The following ACTL6A variants were observed in gnomAD, a reference collection of about 807,000 sequenced individuals.
The protein encoded by ACTL6A is actin like 6A.
ACTL6A carries 5 observed loss-of-function variants against 59.2 expected under a neutral mutation model. The ratio of observed to expected loss-of-function variants is 0.08; its 90% CI spans 0.04 to 0.18. The LOEUF is 0.18. ACTL6A is among the 10% of genes least tolerant of loss of function. ACTL6A has a pLI of 1.00. For missense variants in ACTL6A, 285 were observed against 526.9 expected, an observed-to-expected ratio of 0.54 and a Z score of 4.49; for synonymous variants, 154 against 171.8, an observed-to-expected ratio of 0.90 and a Z score of 0.81.
At chr3:179,574,196 ATAT>A (rs1283206488) in intron 4 of ACTL6A, among the ~76,000 whole-genome samples, 171 bp from the exon 5 acceptor site, 8 of 152,254 alleles carry the variant, frequency 5.3e-5, no homozygotes, top group East Asian at 1.9e-4. Flanking sequence ...AAAGAAATAA[ATAT>A]TATAGAGGTT....
chr3:179,574,242 T>C, intron 4 of ACTL6A, 128 bp from the exon 5 acceptor site: 2 of 480,464 alleles, frequency 4.2e-6, no homozygotes, highest in Non-Finnish European at 7.4e-6. Context: ...TGAAAGATGA[T>C]TTCCCATGGT....
At chr3:179,569,798 A>G in intron 1 of ACTL6A, 26 bp from the exon 2 acceptor site, 1 of 1,604,444 alleles carries the variant, frequency 6.2e-7, no homozygotes, top group Non-Finnish European at 8.5e-7. Context: ...CAAGCTGTTA[A>G]TGCTAATTAT....
Position 179,586,566 on chromosome 3 carries a change from T to G in ACTL6A, c.1143T>G (p.Ile381Met). ...KTPPSMRLKL[I>M]ANNTTVERRF... is the part of the protein sequence containing the mutation. The stretch of plus-strand genomic sequence containing the variant: ...TTCAGAGTATGCGGTTGAAATTGAT[T>G]GCAAATAATACAACAGTGGAACGGA... Residue 381 changes from isoleucine (I) to methionine (M), a missense_variant, in exon 13 of 14, where the codon ATT (isoleucine) becomes ATG (methionine). Physicochemically the swap from Ile to Met is conservative, Grantham distance 10. Coordinates refer to ENST00000429709, the MANE Select transcript of ACTL6A (RefSeq NM_004301.5). 1.3e-6 allele frequency: 2 copies of G among 1,593,278 alleles called. No individual in the cohort carries two copies. The highest frequency in any genetic ancestry group is 1.7e-6 in the Non-Finnish European group (2 of 1,173,856).
rs771222374 is a variant in ACTL6A, at chr3:179,563,049, T to A, written c.-44T>A. 66 of 1,607,124 alleles carry A rather than the reference T, an allele frequency of 4.1e-5. No individual in the cohort carries two copies. In the Middle Eastern group the frequency reaches 4.9e-4, roughly 12 times the overall value. On this transcript the variant is annotated 5_prime_UTR_variant, in exon 1 of 14. Coordinates refer to ENST00000429709, the MANE Select transcript of ACTL6A (RefSeq NM_004301.5). ...TCGCAGTCGCGGCCACTGCAGTCAC[T>A]TCGCCAGTTAGCCCTTAGGGTAGGA...
chr3:179,580,991 G>T lies in ACTL6A; in HGVS notation c.928G>T (p.Asp310Tyr). Residue 310 changes from aspartate (D) to tyrosine (Y), a missense_variant, in exon 10 of 14, where the codon GAC becomes TAC. By Grantham distance (160) the Asp-to-Tyr change is radical (BLOSUM62 -3). Coordinates refer to ENST00000429709, the MANE Select transcript of ACTL6A (RefSeq NM_004301.5). ...ERLKIPEGLFDPSNVKGLSGN... is the reference protein window; with the variant it reads ...ERLKIPEGLFYPSNVKGLSGN... ...GCTAAAGATTCCAGAAGGATTATTTGACCCTTCCAATGTAAAGGTATAAAA... is the reference window on the plus strand; with the variant it reads ...GCTAAAGATTCCAGAAGGATTATTTTACCCTTCCAATGTAAAGGTATAAAA... 6.3e-7 allele frequency: 1 copy of T among 1,588,494 alleles called. No individual in the cohort carries two copies. Among genetic ancestry groups the T allele is most frequent in the South Asian group, 1.2e-5 (1 of 85,684 alleles).
At chr3:179,572,982 C>CTTTTTTTTTT (rs71628083) in intron 3 of ACTL6A, among the ~76,000 whole-genome samples, 1 of 138,832 alleles carries the variant, frequency 7.2e-6, no homozygotes, top group Non-Finnish European at 1.5e-5. Context: ...ACAATTCTTT[C>CTTTTTTTTTT]TTTTTTTTTT....
At chr3:179,579,149 C>T (rs987154646) in intron 8 of ACTL6A, among the ~76,000 whole-genome samples, 4 of 152,058 alleles carry the variant, frequency 2.6e-5, no homozygotes, top group Non-Finnish European at 5.9e-5. Context: ...TGATATTGAG[C>T]TTTTTTTCAT....
intron 12 of ACTL6A, chr3:179,584,249 T>C (rs768247455): frequency 3.3e-5 from 5 of 152,236 alleles, no homozygotes; most frequent in Non-Finnish European, 7.3e-5. Flanking sequence ...ATAATAACTT[T>C]TAAAAGAATA....
At chr3:179,568,563 G>T (rs1056704102) in intron 1 of ACTL6A, among the ~76,000 whole-genome samples, 1 of 150,964 alleles carries the variant, frequency 6.6e-6, no homozygotes, top group Admixed American at 6.6e-5. Flanking sequence ...GTGTGTATAT[G>T]TGTATATATG....
At position 179,570,021 on chromosome 3, in the gene ACTL6A, C is replaced by T; in HGVS notation, c.103-46C>T. The T allele has an allele frequency of 3.1e-6, 5 of 1,590,408 alleles. No individual in the cohort carries two copies. The highest frequency in any genetic ancestry group is 2.3e-5 in the South Asian group (2 of 87,520). On this transcript the variant is annotated intron_variant, in intron 2 of 13. Transcript: ENST00000429709. This position sits in a 1 kb window ranked among gnomAD's most constrained non-coding sequence, Gnocchi z 4.3. Reference sequence around the variant, plus strand: ...ACATTAATTGGGGAAAAAATGCCTTCTTGATGAAAGGTGAAACTTGTATGT... The same window carrying T: ...ACATTAATTGGGGAAAAAATGCCTTTTTGATGAAAGGTGAAACTTGTATGT...
At chr3:179,577,553 T>C (rs1368065710) in intron 8 of ACTL6A, among the ~76,000 whole-genome samples, 1 of 152,120 alleles carries the variant, frequency 6.6e-6, no homozygotes, top group African/African-American at 2.4e-5. Flanking sequence ...GGTAAACTCA[T>C]GTCACGGAAG....
Position 179,562,933 on chromosome 3 carries a change from G to C in ACTL6A, c.-160G>C, listed in dbSNP as rs1378971174. 6.9e-6 allele frequency: 6 copies of C among 869,982 alleles called. No individual in the cohort carries two copies. The highest frequency in any genetic ancestry group is 1.1e-5 in the Non-Finnish European group (6 of 539,212). The allele number at this position is 869,982 out of a possible 1,614,324, so 53.9% of individuals were successfully genotyped here. On this transcript the variant is annotated 5_prime_UTR_variant, in exon 1 of 14. Transcript: ENST00000429709. ...CTGATAGGAGGAGCCAGCAAGTGTGGCTGAGCTCCGGGGTGTGTGGACGCC... is the reference window on the plus strand; with the variant it reads ...CTGATAGGAGGAGCCAGCAAGTGTGCCTGAGCTCCGGGGTGTGTGGACGCC...
chr3:179,587,250 AC>A (rs1236635211), intron 13 of ACTL6A, among the ~76,000 whole-genome samples: 1 of 152,054 alleles, frequency 6.6e-6, no homozygotes, highest in Admixed American at 6.6e-5. Context: ...ATATATGTAT[AC>A]TGTATATAAA....
intron 1 of ACTL6A, among the ~76,000 whole-genome samples, chr3:179,564,585 A>C (rs559862523): frequency 8.5e-5 from 13 of 152,310 alleles, no homozygotes; most frequent in African/African-American, 3.1e-4. Flanking sequence ...CAGGAATTAG[A>C]TGTATCTCCC....
intron 1 of ACTL6A, 114 bp downstream of exon 1, chr3:179,563,231 C>G (rs1172853765): frequency 6.9e-7 from 1 of 1,454,534 alleles, no homozygotes. Flanking sequence ...CCTCTCGGGA[C>G]CCCGGCCTCC....
At chr3:179,574,904 C>T (rs2108361558) in intron 5 of ACTL6A, 1 of 177,288 alleles carries the variant, frequency 5.6e-6, no homozygotes, top group Middle Eastern at 2.6e-3. Flanking sequence ...TCTCTCTGTC[C>T]TACTGCCACA....
intron 9 of ACTL6A, 36 bp from the exon 10 acceptor site, chr3:179,580,858 T>C: frequency 1.3e-6 from 2 of 1,538,566 alleles, no homozygotes; most frequent in Non-Finnish European, 1.8e-6. Flanking sequence ...GAATTATTTT[T>C]TGTCTTTTGT....
chr3:179,587,846 C>G, intron 13 of ACTL6A, 84 bp from the exon 14 acceptor site: 1 of 1,014,290 alleles, frequency 9.9e-7, no homozygotes, highest in South Asian at 1.5e-5. Context: ...CAGAGCAAGA[C>G]CTTCTCTCAA....
chr3:179,587,935 C>G lies in ACTL6A; in HGVS notation c.1215C>G (p.Thr405=). The part of the protein sequence containing the change: ...IGGSILASLG[T]FQQMWISKQE... ...AATTTCTTTCCATTTTACAGGGTACCTTTCAACAGATGTGGATTTCCAAGC... is the reference window on the plus strand; with the variant it reads ...AATTTCTTTCCATTTTACAGGGTACGTTTCAACAGATGTGGATTTCCAAGC... Residue 405 remains threonine, a synonymous_variant, in exon 14 of 14, where the codon ACC becomes ACG. Coordinates refer to ENST00000429709, the MANE Select transcript of ACTL6A (RefSeq NM_004301.5). The G allele has an allele frequency of 1.2e-6, 2 of 1,603,680 alleles. No homozygotes were observed. Among genetic ancestry groups the G allele is most frequent in the Non-Finnish European group, 1.7e-6 (2 of 1,177,212 alleles).
Sources: gnomAD v4.1 joint callset for allele counts (sites outside exome capture counted in the v4.1 genomes callset) on GRCh38, gnomAD v4.1.1 for gene constraint, Gnocchi (gnomAD v3.1) non-coding constraint, MANE v1.5 for transcripts, NCBI Gene and HGNC (gene_info 2026-07-23, HGNC 2026-07-21) for gene names.